EBF3: variants seen among roughly 807,000 people sequenced by gnomAD.
EBF3 encodes EBF transcription factor 3.
EBF3 carries 18 observed loss-of-function variants against 77.1 expected under a neutral mutation model. That is an observed-to-expected ratio of 0.23 (90% confidence interval 0.16 to 0.35). The LOEUF (loss-of-function observed/expected upper bound fraction) is 0.35. Ranked by LOEUF, EBF3 falls within the 10% of genes least tolerant of loss-of-function variation. The pLI, the probability that EBF3 is intolerant of heterozygous loss-of-function variation, is 1.00. For synonymous variants in EBF3, 350 were observed against 343.5 expected, an observed-to-expected ratio of 1.02 and a Z score of -0.21; for missense variants, 558 against 860.0, an observed-to-expected ratio of 0.65 and a Z score of 4.39.
chr10:129,915,294 C>A (rs899418371), intron 6 of EBF3, among the ~76,000 whole-genome samples: 2 of 152,130 alleles, frequency 1.3e-5, no homozygotes, highest in African/African-American at 4.8e-5. Context: ...GGAGCAGGAC[C>A]CCCCAAAGGA....
At chr10:129,839,308 AG>A in intron 15 of EBF3, 113 bp from the exon 16 acceptor site, 2 of 462,040 alleles carry the variant, frequency 4.3e-6, no homozygotes, top group Non-Finnish European at 7.9e-6. Context: ...TGTCTGAAAG[AG>A]GCCAGATGAC....
chr10:129,883,161 T>C (rs1564853681), intron 6 of EBF3, among the ~76,000 whole-genome samples: 1 of 152,208 alleles, frequency 6.6e-6, no homozygotes, highest in Non-Finnish European at 1.5e-5. Flanking sequence ...GGGCTTGGTT[T>C]CTCCAGCGCT....
At position 129,842,315 on chromosome 10, in the gene EBF3, G is replaced by T; in HGVS notation, c.1195-22C>A. ...TCTCCTGCAGCAGGAGCAAGTGGGA[G>T]CCGGCCTGTCACCCCAGGCCCGGCC... is the stretch of plus-strand genomic sequence containing the variant. On this transcript the variant is annotated intron_variant, in intron 12 of 16. Coordinates refer to ENST00000440978, the MANE Select transcript of EBF3 (RefSeq NM_001375380.1). This position sits in a 1 kb window ranked among gnomAD's most constrained non-coding sequence, Gnocchi z 4.4. 4.5e-6 allele frequency: 7 copies of T among 1,558,200 alleles called. No individual in the cohort carries two copies. Among genetic ancestry groups the T allele is most frequent in the Non-Finnish European group, 6.1e-6 (7 of 1,150,582 alleles).
In EBF3 at chr10:129,963,445, C is replaced by A. The variant is rs1455815761; in HGVS notation, c.213G>T (p.Val71=). The A allele has an allele frequency of 6.3e-7, 1 of 1,591,716 alleles. No homozygotes were observed. The highest frequency in any genetic ancestry group is 1.7e-5 in the Admixed American group (1 of 57,642). The change falls in exon 2 of 17, where the codon GTG becomes GTT. Residue 71 remains valine (V), a synonymous_variant. Coordinates refer to ENST00000440978, the MANE Select transcript of EBF3 (RefSeq NM_001375380.1). This position sits in a 1 kb window ranked among gnomAD's most constrained non-coding sequence, Gnocchi z 7.1. ...NLRKSNFFHF[V]LALYDRQGQP... is the part of the protein sequence containing the mutation. Reference sequence around the variant, plus strand: ...GCCCCTGCCTATCGTAGAGCGCCAGCACGAAGTGGAAGAAATTGGATTTCC... The same window carrying A: ...GCCCCTGCCTATCGTAGAGCGCCAGAACGAAGTGGAAGAAATTGGATTTCC...
At chr10:129,956,216 G>T (rs1859024875) in intron 6 of EBF3, among the ~76,000 whole-genome samples, 1 of 152,200 alleles carries the variant, frequency 6.6e-6, no homozygotes, top group Non-Finnish European at 1.5e-5. Context: ...AGTTTTCCGG[G>T]TTTAATTTTT....
intron 7 of EBF3, among the ~76,000 whole-genome samples, chr10:129,874,384 C>T (rs546093017): frequency 6.6e-6 from 1 of 152,064 alleles, no homozygotes; most frequent in Non-Finnish European, 1.5e-5. Flanking sequence ...GAGGGAGAAA[C>T]GAAAAGGGCC....
rs569906685 is a variant in EBF3, at chr10:129,931,711, TG to T, written c.554+25546del. Among the ~76,000 whole-genome samples, 3 of 152,368 alleles carry T rather than the reference TG, an allele frequency of 2.0e-5. No homozygotes were observed. The South Asian group carries it at 6.2e-4, about 32-fold the overall frequency. ...CTTCTCATTCTTTCTCTATTGGTCT[TG>T]GTAACAGCACCAATTTGAGCCCACT... On this transcript the variant is annotated intron_variant, in intron 6 of 16. Coordinates refer to ENST00000440978, the MANE Select transcript of EBF3 (RefSeq NM_001375380.1).
At chr10:129,895,659 C>T (rs1370913968) in intron 6 of EBF3, among the ~76,000 whole-genome samples, 1 of 152,210 alleles carries the variant, frequency 6.6e-6, no homozygotes, top group African/African-American at 2.4e-5. Flanking sequence ...GGCCTAAACA[C>T]ACCTGTGCTT....
At chr10:129,932,893 T>C (rs1349473825) in intron 6 of EBF3, among the ~76,000 whole-genome samples, 6 of 109,182 alleles carry the variant, frequency 5.5e-5, no homozygotes, top group Non-Finnish European at 7.1e-5. Flanking sequence ...TTCTTTTTTT[T>C]CCTTTTTTTT....
chr10:129,881,183 CTCTT>C (rs1816945027), intron 6 of EBF3, among the ~76,000 whole-genome samples: 1 of 152,142 alleles, frequency 6.6e-6, no homozygotes, highest in Non-Finnish European at 1.5e-5. Context: ...CACCAATAAA[CTCTT>C]TATTACTGCA....
intron 6 of EBF3, among the ~76,000 whole-genome samples, chr10:129,917,681 T>TAAAAAAAAAA (rs1239226466): frequency 1.4e-3 from 83 of 60,402 alleles, no homozygotes; most frequent in Non-Finnish European, 1.7e-3. Flanking sequence ...AAAAAAAAAC[T>TAAAAAAAAAA]AAAACCAAGC....
intron 6 of EBF3, among the ~76,000 whole-genome samples, chr10:129,918,755 G>A (rs1856067235): frequency 6.6e-6 from 1 of 152,250 alleles, no homozygotes; most frequent in Non-Finnish European, 1.5e-5. Flanking sequence ...GTCTGTCCTT[G>A]CTGGAATCTG....
chr10:129,900,752 G>A (rs1263759543), intron 6 of EBF3, among the ~76,000 whole-genome samples: 1 of 152,262 alleles, frequency 6.6e-6, no homozygotes, highest in African/African-American at 2.4e-5. Flanking sequence ...GGGTGCTCCT[G>A]AACTTCTGCA....
intron 6 of EBF3, among the ~76,000 whole-genome samples, chr10:129,914,213 C>T (rs1855715961): frequency 6.6e-6 from 1 of 152,224 alleles, no homozygotes; most frequent in Non-Finnish European, 1.5e-5. Flanking sequence ...CAGCCCTGCA[C>T]CCACATCCAG....
rs71481019 is a variant in EBF3 at position 129,917,651 on chromosome 10, C to CAAAAAAAAAAAAAAAAAAAAAAAAAA, written c.554+39581_554+39606dup. On this transcript the variant is annotated intron_variant, in intron 6 of 16. Coordinates refer to ENST00000440978, the MANE Select transcript of EBF3 (RefSeq NM_001375380.1). ...TGGGCACCACAGCAAGACCCTGCCT[C>CAAAAAAAAAAAAAAAAAAAAAAAAAA]AAAAAAAAAAAAAAAAAAAAAAAAA... 1.4e-3 allele frequency among the ~76,000 whole-genome samples: 32 copies of CAAAAAAAAAAAAAAAAAAAAAAAAAA among 23,596 alleles called. 4 individuals are homozygous for CAAAAAAAAAAAAAAAAAAAAAAAAAA. Among genetic ancestry groups the CAAAAAAAAAAAAAAAAAAAAAAAAAA allele is most frequent in the African/African-American group, 1.9e-3 (10 of 5,336 alleles). The allele number at this position is 23,596 out of a possible 152,430, so 15.5% of individuals were successfully genotyped here. A position where few individuals can be genotyped will look rare whatever the true frequency, so the allele number is the denominator to read the frequency against.
intron 4 of EBF3, among the ~76,000 whole-genome samples, chr10:129,960,581 G>A (rs1445085953): frequency 6.7e-6 from 1 of 150,246 alleles, no homozygotes; most frequent in African/African-American, 2.4e-5. Context: ...ATAAACTGTC[G>A]GTTCAGCGCC....
chr10:129,855,087 A>G (rs1365712026), intron 10 of EBF3, among the ~76,000 whole-genome samples: 1 of 152,212 alleles, frequency 6.6e-6, no homozygotes, highest in Non-Finnish European at 1.5e-5. Flanking sequence ...CCTGGGTTTC[A>G]CACCAGTGAC....
At chr10:129,896,309 C>T (rs7076059) in intron 6 of EBF3, among the ~76,000 whole-genome samples, 12,649 of 152,296 alleles carry the variant, frequency 0.083, 728 homozygotes, top group African/African-American at 0.16. Flanking sequence ...CAAAAACAAG[C>T]CCGAGCTCAG....
In EBF3 at chr10:129,938,083, G is replaced by T. The variant is rs566059020; in HGVS notation, c.554+19175C>A. On this transcript the variant is annotated intron_variant, in intron 6 of 16. Transcript: ENST00000440978. The surrounding 1 kb of genome is among the most constrained non-coding windows in gnomAD (Gnocchi z 5.1). ...ATCATACTCCACAACCACGCAAACT[G>T]TAAAGAGACCACCATGTCCTTCAGC... 5.0e-4 allele frequency among the ~76,000 whole-genome samples: 76 copies of T among 152,260 alleles called. No individual in the cohort carries two copies. Among genetic ancestry groups the T allele is most frequent in the Admixed American group, 5.0e-3 (76 of 15,292 alleles).
Sources: allele counts gnomAD v4.1 joint callset (sites outside exome capture counted in the v4.1 genomes callset), GRCh38; gene constraint gnomAD v4.1.1; non-coding constraint Gnocchi (gnomAD v3.1); transcripts MANE v1.5; gene names NCBI Gene and HGNC (gene_info 2026-07-23, HGNC 2026-07-21).